WDR43: variants seen among roughly 807,000 people sequenced by gnomAD.
WDR43 encodes the protein WD repeat-containing protein 43.
In WDR43, 13 loss-of-function variants were observed where a neutral mutation model predicts 91.4. The ratio of observed to expected loss-of-function variants is 0.14; its 90% confidence interval spans 0.09 to 0.23. The LOEUF (loss-of-function observed/expected upper bound fraction) is 0.23. Ranked by LOEUF, WDR43 falls within the 10% of genes least tolerant of loss-of-function variation. The pLI, the probability that WDR43 is intolerant of heterozygous loss-of-function variation, is 1.00. For missense variants in WDR43, 780 were observed against 809.4 expected (o/e 0.96, Z 0.44); for synonymous variants, 331 against 287.9 (o/e 1.15, Z -1.51).
At chr2:28,940,108 T>C (rs1345529475) in intron 14 of WDR43, among the ~76,000 whole-genome samples, 1 of 37,858 alleles carries the variant, frequency 2.6e-5, no homozygotes, top group Admixed American at 3.7e-4. Context: ...CGAGACTCCG[T>C]CTCAAAAAAA....
chr2:28,919,762 C>T (rs1339668802), intron 6 of WDR43, among the ~76,000 whole-genome samples: 1 of 152,186 alleles, frequency 6.6e-6, no homozygotes, highest in African/African-American at 2.4e-5. Flanking sequence ...TCAGTGCCCT[C>T]ACTATTCTGA....
At position 28,938,005 on chromosome 2, in the gene WDR43, T is replaced by C. The variant is rs916809500; in HGVS notation, c.1620+11T>C. The C allele has an allele frequency of 6.2e-7, 1 of 1,613,344 alleles. No homozygotes were observed. Among genetic ancestry groups the C allele is most frequent in the Non-Finnish European group, 8.5e-7 (1 of 1,179,562 alleles). On this transcript the variant is annotated intron_variant, in intron 14 of 17. Coordinates refer to ENST00000407426, the MANE Select transcript of WDR43 (RefSeq NM_015131.3). ...TCATACCTGTCCACGGTGAGTCTTT[T>C]CAGCTTCTGTTGCCGAGTATGAATA...
intron 2 of WDR43, among the ~76,000 whole-genome samples, chr2:28,902,618 G>A (rs1670598203): frequency 6.6e-6 from 1 of 152,224 alleles, no homozygotes; most frequent in Non-Finnish European, 1.5e-5. Context: ...TTCTCCTAGG[G>A]TTGGATAAAT....
intron 16 of WDR43, among the ~76,000 whole-genome samples, chr2:28,944,967 T>C (rs4538160): frequency 0.91 from 137,986 of 152,238 alleles, 62,634 homozygotes; most frequent in Non-Finnish European, 0.94. Context: ...TATTTTTGGA[T>C]TGCAGTTGCC....
At chr2:28,913,998 G>C in intron 4 of WDR43, 71 bp from the exon 5 acceptor site, 1 of 1,554,988 alleles carries the variant, frequency 6.4e-7, no homozygotes, top group Non-Finnish European at 8.7e-7. Context: ...GGCTTGTTTT[G>C]ATAATATATA....
intron 7 of WDR43, among the ~76,000 whole-genome samples, chr2:28,923,453 T>G (rs970792601): frequency 2.6e-5 from 4 of 152,136 alleles, no homozygotes; most frequent in African/African-American, 9.7e-5. Context: ...ACCTGAAATT[T>G]TTATTATTTT....
At chr2:28,925,712 A>G (rs1671116340) in intron 8 of WDR43, among the ~76,000 whole-genome samples, 2 of 152,190 alleles carry the variant, frequency 1.3e-5, no homozygotes, top group Non-Finnish European at 2.9e-5. Context: ...TTGCATTTAA[A>G]ATGCGTTTAC....
intron 3 of WDR43, among the ~76,000 whole-genome samples, chr2:28,907,055 T>C (rs1670694528): frequency 6.6e-6 from 1 of 152,114 alleles, no homozygotes; most frequent in African/African-American, 2.4e-5. Context: ...GGATGGCAGA[T>C]GATATGGGTC....
At chr2:28,935,258 A>G (rs1280734038) in intron 11 of WDR43, among the ~76,000 whole-genome samples, 3 of 152,192 alleles carry the variant, frequency 2.0e-5, no homozygotes, top group Admixed American at 1.3e-4. Context: ...AGATGTTTTA[A>G]TAAAACACAA....
At chr2:28,922,442 A>T (rs942779092) in intron 6 of WDR43, among the ~76,000 whole-genome samples, 1 of 152,144 alleles carries the variant, frequency 6.6e-6, no homozygotes, top group Non-Finnish European at 1.5e-5. Context: ...TAGTGAATGG[A>T]GGGAGAGAGG....
intron 2 of WDR43, among the ~76,000 whole-genome samples, chr2:28,903,017 C>T (rs993387777): frequency 6.6e-6 from 1 of 152,048 alleles, no homozygotes; most frequent in Non-Finnish European, 1.5e-5. Context: ...CTAAGTCTGT[C>T]GCCGAGAGGT....
At chr2:28,906,434 ATTTTT>A in intron 2 of WDR43, 21 bp from the exon 3 acceptor site, 2 of 1,401,408 alleles carry the variant, frequency 1.4e-6, no homozygotes, top group East Asian at 2.8e-5. Flanking sequence ...CCAGCCTTAA[ATTTTT>A]TTTTTTTTTT....
intron 3 of WDR43, among the ~76,000 whole-genome samples, chr2:28,909,300 G>C (rs548164694): frequency 1.3e-5 from 2 of 152,066 alleles, no homozygotes; most frequent in African/African-American, 4.8e-5. Flanking sequence ...CACCATGCCT[G>C]GCTAATTTTT....
At chr2:28,930,290 A>G (rs1419948588) in intron 11 of WDR43, 2 of 335,410 alleles carry the variant, frequency 6.0e-6, no homozygotes, top group Admixed American at 8.1e-5. Context: ...GAAGTTACTC[A>G]GTTTGATTCT....
intron 2 of WDR43, among the ~76,000 whole-genome samples, chr2:28,905,871 T>C (rs1670669548): frequency 1.3e-5 from 2 of 152,054 alleles, no homozygotes; most frequent in African/African-American, 4.8e-5. Flanking sequence ...TTTGCCATGT[T>C]GGTCAGGCTG....
chr2:28,934,013 A>T (rs1293312612), intron 11 of WDR43, among the ~76,000 whole-genome samples: 1 of 152,240 alleles, frequency 6.6e-6, no homozygotes, highest in Non-Finnish European at 1.5e-5. Flanking sequence ...ACATACGTTC[A>T]TACAAAGACT....
At chr2:28,906,651 A>G (rs1366631297) in intron 3 of WDR43, 70 bp downstream of exon 3, 3 of 1,542,018 alleles carry the variant, frequency 1.9e-6, no homozygotes, top group Non-Finnish European at 8.7e-7. Context: ...GGGAATGCAG[A>G]CATTAATAAG....
At chr2:28,919,973 T>C (rs1346315360) in intron 6 of WDR43, among the ~76,000 whole-genome samples, 3 of 151,916 alleles carry the variant, frequency 2.0e-5, no homozygotes, top group Non-Finnish European at 4.4e-5. Flanking sequence ...CCCTGGTAGC[T>C]GGAATTATAG....
chr2:28,930,276 G>A (rs1053910716), intron 11 of WDR43: 37 of 340,504 alleles, frequency 1.1e-4, no homozygotes, highest in Non-Finnish European at 1.5e-4. Flanking sequence ...GTGACTGCTT[G>A]TATGAAGTTA....
Sources: gnomAD v4.1 joint callset for allele counts (sites outside exome capture counted in the v4.1 genomes callset) on GRCh38, gnomAD v4.1.1 for gene constraint, MANE v1.5 for transcripts, NCBI Gene and HGNC (gene_info 2026-07-23, HGNC 2026-07-21) for gene names.